Variants in CCDC175 observed in about 807,000 individuals in gnomAD.
The protein encoded by CCDC175 is coiled-coil domain containing 175, also known as coiled-coil domain-containing protein 175.
Under a neutral mutation model 114.6 loss-of-function variants are expected in CCDC175, and 100 were observed. That is an observed-to-expected ratio of 0.87 (90% CI 0.74 to 1.03). The LOEUF is 1.03. CCDC175 is among the 50% of genes least tolerant of loss of function. The probability of loss-of-function intolerance (pLI) is 0.00; values close to 1 mark genes in which losing one functional copy is unlikely to be tolerated. For missense variants in CCDC175, 880 were observed against 917.8 expected, an observed-to-expected ratio of 0.96 and a Z score of 0.53; for synonymous variants, 306 against 308.7, an observed-to-expected ratio of 0.99 and a Z score of 0.09.
At chr14:59,541,017 A>C (rs1894752783) in intron 10 of CCDC175, among the ~76,000 whole-genome samples, 1 of 152,184 alleles carries the variant, frequency 6.6e-6, no homozygotes, top group African/African-American at 2.4e-5. Flanking sequence ...ACTAGAGGTT[A>C]ATGTTTCTCA....
chr14:59,540,739 T>C lies in CCDC175; in HGVS notation c.1291A>G (p.Lys431Glu), dbSNP rs1241596185. The change falls in exon 11 of 20, where the codon AAA becomes GAA. Residue 431 changes from lysine (K) to glutamate (E), a missense_variant. By Grantham distance (56) the Lys-to-Glu change is moderately conservative. Transcript: ENST00000537690. ...ITLQELQQAT[K>E]TVYQQQIKIL... The stretch of plus-strand genomic sequence containing the variant: ...TTGATTTGTTGCTGATACACTGTTT[T>C]TGTTGCTCTAAAAAGAAAAACATAT... The C allele has an allele frequency of 3.9e-6, 6 of 1,535,014 alleles. No homozygotes were observed. The East Asian group carries it at 7.3e-5, about 19-fold the overall frequency.
At chr14:59,555,947 T>C (rs1895871661) in intron 7 of CCDC175, among the ~76,000 whole-genome samples, 1 of 152,126 alleles carries the variant, frequency 6.6e-6, no homozygotes, top group Admixed American at 6.5e-5. Flanking sequence ...TACAAACCAC[T>C]GCTCAACGAA....
chr14:59,514,430 C>T (rs1361763995), intron 17 of CCDC175, among the ~76,000 whole-genome samples: 2 of 152,018 alleles, frequency 1.3e-5, no homozygotes, highest in Non-Finnish European at 1.5e-5. Flanking sequence ...AAAAATTAGA[C>T]GAATGGCTAA....
At chr14:59,510,909 C>T (rs1892701613) in intron 18 of CCDC175, 101 bp from the exon 19 acceptor site, 1 of 998,612 alleles carries the variant, frequency 1.0e-6, no homozygotes, top group Non-Finnish European at 1.4e-6. Context: ...ATTATATATG[C>T]ATAATTGGTA....
rs140494784 is a variant in CCDC175, at chr14:59,564,716, GAC to G, written c.720+329_720+330del. Among the ~76,000 whole-genome samples, 1,271 of 152,320 alleles carry G rather than the reference GAC, an allele frequency of 8.3e-3. 15 individuals carry two copies. The highest frequency in any genetic ancestry group is 0.029 in the African/African-American group (1,202 of 41,566). ...TGAATACCCTAGTCCTGTCCATACA[GAC>G]ACAGTCTCAGGGTTATCAAAGGCAA... On this transcript the variant is annotated intron_variant, in intron 5 of 19. Transcript: ENST00000537690.
intron 3 of CCDC175, among the ~76,000 whole-genome samples, chr14:59,568,679 T>C (rs1896689489): frequency 6.6e-6 from 1 of 152,152 alleles, no homozygotes; most frequent in African/African-American, 2.4e-5. Flanking sequence ...TTCTGCAACT[T>C]CTACATGGGG....
At chr14:59,569,642 T>G (rs2140126380) in intron 3 of CCDC175, among the ~76,000 whole-genome samples, 1 of 150,348 alleles carries the variant, frequency 6.7e-6, no homozygotes, top group East Asian at 2.0e-4. Context: ...GTGTAGATTC[T>G]TCTAAATCTG....
intron 17 of CCDC175, among the ~76,000 whole-genome samples, chr14:59,521,055 AC>A (rs1893402201): frequency 6.6e-6 from 1 of 152,200 alleles, no homozygotes; most frequent in Non-Finnish European, 1.5e-5. Context: ...TGTCAACTTG[AC>A]TGGATTGAAA....
At chr14:59,570,741 T>TTTTGTTTGTTTG (rs143746866) in intron 3 of CCDC175, among the ~76,000 whole-genome samples, 2 of 151,352 alleles carry the variant, frequency 1.3e-5, no homozygotes, top group Non-Finnish European at 2.9e-5. Flanking sequence ...TCTCTTTTGT[T>TTTTGTTTGTTTG]TTTGTTTGTT....
chr14:59,514,456 C>T (rs7150175), intron 17 of CCDC175, among the ~76,000 whole-genome samples: 17,730 of 152,032 alleles, frequency 0.12, 1,193 homozygotes, highest in African/African-American at 0.18. Context: ...ATAACCAATG[C>T]GGAGAAGTCC....
intron 3 of CCDC175, among the ~76,000 whole-genome samples, chr14:59,571,932 T>C (rs1185076796): frequency 6.6e-6 from 1 of 152,148 alleles, no homozygotes; most frequent in African/African-American, 2.4e-5. Context: ...ATTTTGGAAA[T>C]GCTCCAAAAC....
Position 59,561,186 on chromosome 14 carries a change from A to AT in CCDC175, c.885dup (p.Ser296IlefsTer11). The AT allele has an allele frequency of 6.5e-7, 1 of 1,535,774 alleles. No individual in the cohort carries two copies. On this transcript the variant is annotated frameshift_variant, in exon 7 of 20. Coordinates refer to ENST00000537690, the MANE Select transcript of CCDC175 (RefSeq NM_001164399.2). LOFTEE classifies it high-confidence loss of function. ...ACCTCTTGTTCCCAATACCTTATTG[A>AT]TTCGTGTAGTCGTGCTATCTCTAAA...
intron 12 of CCDC175, 111 bp from the exon 13 acceptor site, chr14:59,538,265 G>A: frequency 1.1e-6 from 1 of 891,658 alleles, no homozygotes; most frequent in Non-Finnish European, 1.6e-6. Context: ...TCTGATTTCA[G>A]TTCATATAAT....
chr14:59,564,949 G>A, intron 5 of CCDC175, 98 bp downstream of exon 5: 1 of 898,178 alleles, frequency 1.1e-6, no homozygotes, highest in Non-Finnish European at 1.7e-6. Flanking sequence ...ATACCACAGA[G>A]GCTGCTTGCC....
At chr14:59,521,248 C>T (rs1893411693) in intron 17 of CCDC175, among the ~76,000 whole-genome samples, 1 of 152,304 alleles carries the variant, frequency 6.6e-6, no homozygotes, top group African/African-American at 2.4e-5. Context: ...GTGCTAGATG[C>T]TTCCTGCCCT....
intron 7 of CCDC175, among the ~76,000 whole-genome samples, chr14:59,552,413 T>A (rs1251558722): frequency 6.6e-6 from 1 of 152,236 alleles, no homozygotes; most frequent in Admixed American, 6.5e-5. Context: ...GGGTCCTGAC[T>A]GTTAGAAGGA....
chr14:59,543,092 G>T (rs1333156916), intron 10 of CCDC175, among the ~76,000 whole-genome samples: 1 of 152,054 alleles, frequency 6.6e-6, no homozygotes, highest in Non-Finnish European at 1.5e-5. Flanking sequence ...TAATGTTCAG[G>T]CACATTCTTG....
chr14:59,551,524 T>A (rs927858896), intron 7 of CCDC175, 88 bp from the exon 8 acceptor site: 5 of 577,158 alleles, frequency 8.7e-6, no homozygotes, highest in African/African-American at 1.9e-5. Flanking sequence ...AGCTGCAGTA[T>A]ACAGCTCCCA....
chr14:59,560,976 T>A (rs1474547268), intron 7 of CCDC175, 143 bp downstream of exon 7: 1 of 511,954 alleles, frequency 2.0e-6, no homozygotes, highest in Non-Finnish European at 3.4e-6. Flanking sequence ...AGCTTTCACA[T>A]ATATTTTAGT....
Sources: gnomAD v4.1 joint callset for allele counts (sites outside exome capture counted in the v4.1 genomes callset) on GRCh38, gnomAD v4.1.1 for gene constraint, MANE v1.5 for transcripts, NCBI Gene and HGNC (gene_info 2026-07-23, HGNC 2026-07-21) for gene names.